The following DNAJC11 variants were observed in gnomAD, a reference collection of about 807,000 sequenced individuals.
DNAJC11 encodes dnaJ homolog subfamily C member 11.
A neutral mutation model predicts 78.6 loss-of-function variants in DNAJC11; 15 were observed. That is an observed-to-expected ratio of 0.19 (90% CI 0.13 to 0.29). The LOEUF (loss-of-function observed/expected upper bound fraction) is 0.29, where lower values mean the gene tolerates loss of function less well. Among genes scored for constraint, DNAJC11 ranks in the 10% least tolerant of loss-of-function variants. The pLI, the probability that DNAJC11 is intolerant of heterozygous loss-of-function variation, is 1.00. For missense variants in DNAJC11, 547 were observed against 709.6 expected (o/e 0.77, Z 2.60); for synonymous variants, 292 against 272.1 (o/e 1.07, Z -0.72).
intron 4 of DNAJC11, among the ~76,000 whole-genome samples, chr1:6,665,707 C>T (rs890041730): frequency 6.6e-6 from 1 of 152,180 alleles, no homozygotes; most frequent in Non-Finnish European, 1.5e-5. Context: ...AACTGCCACA[C>T]ACCCCCAGAT....
At chr1:6,652,195 C>T (rs189242255) in intron 6 of DNAJC11, among the ~76,000 whole-genome samples, 28 of 152,322 alleles carry the variant, frequency 1.8e-4, no homozygotes, top group Non-Finnish European at 3.5e-4. Flanking sequence ...TCAATTTGCT[C>T]GGCAGAACTG....
In DNAJC11 at chr1:6,645,670, C is replaced by T. The variant is rs2148730301; in HGVS notation, c.894+119G>A. 2 of 1,174,098 alleles carry T rather than the reference C, an allele frequency of 1.7e-6. No individual in the cohort carries two copies. Among genetic ancestry groups the T allele is most frequent in the East Asian group, 4.7e-5 (2 of 42,178 alleles). 72.7% of individuals were successfully genotyped at this position (1,174,098 alleles called of 1,614,324 possible). A position where few individuals can be genotyped will look rare whatever the true frequency, so the allele number is the denominator to read the frequency against. On this transcript the variant is annotated intron_variant, in intron 8 of 15. Coordinates refer to ENST00000377577, the MANE Select transcript of DNAJC11 (RefSeq NM_018198.4). The surrounding 1 kb of genome is among the most constrained non-coding windows in gnomAD (Gnocchi z 4.1). ...CACCGAGAGCCTGCCCCTCAGGGCC[C>T]TGTATGGGCTTAGACTTAGTGGTGA... is the stretch of plus-strand genomic sequence containing the variant.
At chr1:6,644,154 G>A (rs760176941) in intron 10 of DNAJC11, among the ~76,000 whole-genome samples, 4 of 151,016 alleles carry the variant, frequency 2.6e-5, no homozygotes, top group Non-Finnish European at 5.9e-5. Context: ...TTTTTGAGAC[G>A]GAGTCTCACT....
chr1:6,691,622 T>C (rs1160169633), intron 1 of DNAJC11, among the ~76,000 whole-genome samples: 1 of 152,144 alleles, frequency 6.6e-6, no homozygotes, highest in African/African-American at 2.4e-5. Flanking sequence ...CTTCTTGTGG[T>C]TGATCTCTAT....
At chr1:6,655,448 T>A (rs1642112688) in intron 4 of DNAJC11, among the ~76,000 whole-genome samples, 1 of 152,212 alleles carries the variant, frequency 6.6e-6, no homozygotes, top group South Asian at 2.1e-4. Flanking sequence ...ACAAATTTTT[T>A]ATATTCACAG....
At chr1:6,643,712 C>A (rs1286268749) in intron 10 of DNAJC11, among the ~76,000 whole-genome samples, 1 of 152,046 alleles carries the variant, frequency 6.6e-6, no homozygotes, top group South Asian at 2.1e-4. Flanking sequence ...ATGCTGTGCC[C>A]GGGGGATAGC....
At chr1:6,678,526 G>A (rs892270120) in intron 2 of DNAJC11, 59 bp from the exon 3 acceptor site, 4 of 1,383,712 alleles carry the variant, frequency 2.9e-6, no homozygotes, top group Admixed American at 1.8e-5. Flanking sequence ...AGTCCTTCCT[G>A]AGAATACTGA....
At chr1:6,659,522 G>A (rs1642176373) in intron 4 of DNAJC11, among the ~76,000 whole-genome samples, 1 of 152,146 alleles carries the variant, frequency 6.6e-6, no homozygotes, top group African/African-American at 2.4e-5. Context: ...CGCTCTGGGA[G>A]GCCGCGGCGG....
In DNAJC11 at chr1:6,663,058, G is replaced by A. The variant is rs6577589; in HGVS notation, c.378+4651C>T. On this transcript the variant is annotated intron_variant, in intron 4 of 15. Transcript: ENST00000377577. The stretch of plus-strand genomic sequence containing the variant: ...CAGGTGTGAGCCCCCATGCCTGGCC[G>A]ATACATCATTTACATTTTTTTCTAA... 1.6e-4 allele frequency among the ~76,000 whole-genome samples: 24 copies of A among 151,964 alleles called. 1 individual carries two copies. Among genetic ancestry groups the A allele is most frequent in the South Asian group, 1.2e-3 (6 of 4,822 alleles).
intron 12 of DNAJC11, 155 bp from the exon 13 acceptor site, chr1:6,637,659 G>C (rs1641802949): frequency 2.5e-6 from 2 of 796,254 alleles, no homozygotes; most frequent in Non-Finnish European, 4.1e-6. Flanking sequence ...TGCTACCCGA[G>C]TGGCTCACTC....
At chr1:6,660,303 C>T (rs535326141) in intron 4 of DNAJC11, among the ~76,000 whole-genome samples, 4 of 151,572 alleles carry the variant, frequency 2.6e-5, no homozygotes, top group African/African-American at 9.7e-5. Flanking sequence ...ACTACAGGAG[C>T]ACGTCACCAA....
chr1:6,634,854 C>T lies in DNAJC11; in HGVS notation c.*821G>A, dbSNP rs1184777880. ...TGGGTGTGTCTGATGTCTTGCCAAG[C>T]GCCTGGTCCTGTCCTCTTGAGCTGC... is the stretch of plus-strand genomic sequence containing the variant. On this transcript the variant is annotated 3_prime_UTR_variant, in exon 16 of 16. Coordinates refer to ENST00000377577, the MANE Select transcript of DNAJC11 (RefSeq NM_018198.4). 7.3e-6 allele frequency: 9 copies of T among 1,230,534 alleles called. No individual in the cohort carries two copies. The highest frequency in any genetic ancestry group is 1.6e-5 in the African/African-American group (1 of 64,048). The allele number at this position is 1,230,534 out of a possible 1,614,324, so 76.2% of individuals were successfully genotyped here.
intron 11 of DNAJC11, 119 bp downstream of exon 11, chr1:6,639,783 A>T: frequency 9.0e-7 from 1 of 1,108,564 alleles, no homozygotes; most frequent in Non-Finnish European, 1.3e-6. Flanking sequence ...TACATGCATT[A>T]CTTAATTCAG....
chr1:6,701,609 G>T, intron 1 of DNAJC11, 120 bp downstream of exon 1: 1 of 1,031,502 alleles, frequency 9.7e-7, no homozygotes, highest in East Asian at 3.3e-5. Context: ...CCGGGGTCAC[G>T]CGGCCTCCCC....
At chr1:6,642,320 CAAG>C (rs898049730) in intron 10 of DNAJC11, among the ~76,000 whole-genome samples, 5 of 152,176 alleles carry the variant, frequency 3.3e-5, no homozygotes, top group Non-Finnish European at 7.3e-5. Context: ...AGCAGACACA[CAAG>C]GAGGGAGACA....
rs542354629 is a variant in DNAJC11, at chr1:6,646,263, C to T, written c.705-285G>A. Among the ~76,000 whole-genome samples the T allele has an allele frequency of 8.5e-5, 13 of 152,310 alleles. No individual in the cohort carries two copies. In the East Asian group the frequency reaches 1.2e-3, roughly 14 times the overall value. On this transcript the variant is annotated intron_variant, in intron 7 of 15. Coordinates refer to ENST00000377577, the MANE Select transcript of DNAJC11 (RefSeq NM_018198.4). ...TGCATTCCTATGCCAGCAGATGCAA[C>T]CCCACTCAAGTTAGAATGGATGGGG...
chr1:6,646,284 TG>T (rs1641964427), intron 7 of DNAJC11, among the ~76,000 whole-genome samples: 1 of 152,118 alleles, frequency 6.6e-6, no homozygotes, highest in African/African-American at 2.4e-5. Flanking sequence ...TTAGAATGGA[TG>T]GGGGCCGAGG....
At chr1:6,686,529 A>G (rs1371884759) in intron 1 of DNAJC11, among the ~76,000 whole-genome samples, 1 of 152,238 alleles carries the variant, frequency 6.6e-6, no homozygotes, top group East Asian at 1.9e-4. Flanking sequence ...TCACCAAGGC[A>G]GAGGGGACAG....
intron 4 of DNAJC11, among the ~76,000 whole-genome samples, chr1:6,666,821 TG>T (rs1642301411): frequency 6.6e-6 from 1 of 152,242 alleles, no homozygotes; most frequent in Non-Finnish European, 1.5e-5. Flanking sequence ...AAGAGGCTGA[TG>T]GAAGACCGGG....
Sources: allele counts gnomAD v4.1 joint callset (sites outside exome capture counted in the v4.1 genomes callset), GRCh38; gene constraint gnomAD v4.1.1; non-coding constraint Gnocchi (gnomAD v3.1); transcripts MANE v1.5; gene names NCBI Gene and HGNC (gene_info 2026-07-23, HGNC 2026-07-21).